SEMA6D: variants seen among roughly 807,000 people sequenced by gnomAD.
The protein encoded by SEMA6D is semaphorin-6D.
SEMA6D carries 35 observed loss-of-function variants against 106.6 expected under a neutral mutation model. The ratio of observed to expected loss-of-function variants is 0.33; its 90% CI spans 0.25 to 0.44. SEMA6D has a LOEUF of 0.44. Ranked by LOEUF, SEMA6D falls within the 20% of genes least tolerant of loss-of-function variation. The pLI is 1.00. For missense variants in SEMA6D, 1,185 were observed against 1,345.9 expected (o/e 0.88, Z 1.87); for synonymous variants, 499 against 487.7 (o/e 1.02, Z -0.31).
intron 3 of SEMA6D, among the ~76,000 whole-genome samples, chr15:47,505,481 T>C (rs867164377): frequency 1.3e-5 from 2 of 152,100 alleles, no homozygotes; most frequent in Middle Eastern, 3.2e-3. Flanking sequence ...TAAAGAACAT[T>C]TGGGGACAAT....
chr15:47,384,360 T>G (rs772707337), intron 1 of SEMA6D, among the ~76,000 whole-genome samples: 5 of 152,212 alleles, frequency 3.3e-5, no homozygotes, highest in Non-Finnish European at 5.9e-5. Context: ...CTTTCCCCAC[T>G]TCACCTTTCT....
intron 1 of SEMA6D, among the ~76,000 whole-genome samples, chr15:47,279,402 C>T: frequency 7.1e-6 from 1 of 141,818 alleles, no homozygotes; most frequent in Admixed American, 7.0e-5. Flanking sequence ...GCTGAAGTTG[C>T]TTATCAGCTT....
intron 3 of SEMA6D, among the ~76,000 whole-genome samples, chr15:47,498,259 T>G (rs2043735207): frequency 6.6e-6 from 1 of 152,156 alleles, no homozygotes; most frequent in Non-Finnish European, 1.5e-5. Context: ...GGTTTTCACT[T>G]AGCAATGGGG....
intron 1 of SEMA6D, among the ~76,000 whole-genome samples, chr15:47,370,320 GC>G (rs1232214524): frequency 1.3e-5 from 2 of 152,094 alleles, no homozygotes. Flanking sequence ...TTGAAAACCA[GC>G]CTGGGCAACA....
intron 1 of SEMA6D, among the ~76,000 whole-genome samples, chr15:47,334,257 T>G (rs2037463174): frequency 1.3e-5 from 2 of 152,184 alleles, no homozygotes; most frequent in East Asian, 3.8e-4. Context: ...ATCTGTATCC[T>G]TTGTAAAATC....
At chr15:47,305,964 T>A (rs1308536586) in intron 1 of SEMA6D, among the ~76,000 whole-genome samples, 5 of 152,226 alleles carry the variant, frequency 3.3e-5, no homozygotes, top group Non-Finnish European at 7.3e-5. Context: ...AAGAGGTTTA[T>A]TGGTAACTCA....
intron 3 of SEMA6D, among the ~76,000 whole-genome samples, chr15:47,552,522 GTA>G (rs1491217182): frequency 6.0e-5 from 3 of 49,842 alleles, no homozygotes; most frequent in African/African-American, 8.5e-5. Context: ...GTATATATAT[GTA>G]TACACACACA....
intron 1 of SEMA6D, among the ~76,000 whole-genome samples, chr15:47,284,863 A>G (rs2035289813): frequency 6.6e-6 from 1 of 152,178 alleles, no homozygotes; most frequent in Non-Finnish European, 1.5e-5. Context: ...ACTGCCAGTT[A>G]TTAGAGATGA....
chr15:47,534,114 C>T (rs2045072857), intron 3 of SEMA6D, among the ~76,000 whole-genome samples: 1 of 152,072 alleles, frequency 6.6e-6, no homozygotes, highest in Non-Finnish European at 1.5e-5. Flanking sequence ...AAGAAGGACA[C>T]TGAGAATGTC....
chr15:47,621,777 G>T (rs2077103962), intron 4 of SEMA6D, among the ~76,000 whole-genome samples: 1 of 152,130 alleles, frequency 6.6e-6, no homozygotes, highest in Non-Finnish European at 1.5e-5. Flanking sequence ...TTTCTCACCT[G>T]TCAAACAGAC....
chr15:47,530,427 T>C (rs950067625), intron 3 of SEMA6D, among the ~76,000 whole-genome samples: 45 of 152,290 alleles, frequency 3.0e-4, no homozygotes, highest in African/African-American at 1.0e-3. Context: ...AATTAGACAA[T>C]AGTTCCCTAA....
intron 1 of SEMA6D, among the ~76,000 whole-genome samples, chr15:47,735,369 A>G (rs970764951): frequency 2.0e-5 from 3 of 152,200 alleles, no homozygotes; most frequent in African/African-American, 7.2e-5. Flanking sequence ...ACCACTAAAC[A>G]CAGTGAGTCT....
chr15:47,440,449 G>T (rs2041847785), intron 2 of SEMA6D, among the ~76,000 whole-genome samples: 1 of 152,024 alleles, frequency 6.6e-6, no homozygotes, highest in South Asian at 2.1e-4. Context: ...TGGGCTGAGG[G>T]TTGCCTTAGT....
intron 3 of SEMA6D, among the ~76,000 whole-genome samples, chr15:47,484,700 G>A (rs943785897): frequency 2.6e-5 from 4 of 152,166 alleles, no homozygotes; most frequent in African/African-American, 9.7e-5. Context: ...AAGGCCTGAA[G>A]TAACCTCTGA....
intron 1 of SEMA6D, among the ~76,000 whole-genome samples, chr15:47,360,982 A>G (rs1268309096): frequency 6.6e-6 from 1 of 152,238 alleles, no homozygotes; most frequent in African/African-American, 2.4e-5. Flanking sequence ...CATGAACAGA[A>G]GCAGGCAGAA....
intron 4 of SEMA6D, among the ~76,000 whole-genome samples, chr15:47,683,426 A>G (rs1037583234): frequency 6.6e-5 from 10 of 152,222 alleles, no homozygotes; most frequent in African/African-American, 2.4e-4. Context: ...TTTTATGTCA[A>G]GATTTCCACC....
chr15:47,598,638 CT>C (rs1314048535), intron 3 of SEMA6D, among the ~76,000 whole-genome samples: 1 of 152,088 alleles, frequency 6.6e-6, no homozygotes, highest in Non-Finnish European at 1.5e-5. Context: ...AAAGCTTGGG[CT>C]ACATTTTTTA....
chr15:47,484,552 T>C (rs2043242391), intron 3 of SEMA6D, among the ~76,000 whole-genome samples: 1 of 152,192 alleles, frequency 6.6e-6, no homozygotes, highest in African/African-American at 2.4e-5. Context: ...GTTTATTTTA[T>C]TTCCAATATT....
chr15:47,605,883 G>A (rs1261597733), intron 4 of SEMA6D, among the ~76,000 whole-genome samples: 1 of 152,072 alleles, frequency 6.6e-6, no homozygotes, highest in East Asian at 1.9e-4. Flanking sequence ...TTTTTTGGAG[G>A]TTTTATTAAG....
Sources: gnomAD v4.1 joint callset for allele counts (sites outside exome capture counted in the v4.1 genomes callset) on GRCh38, gnomAD v4.1.1 for gene constraint, MANE v1.5 for transcripts, NCBI Gene and HGNC (gene_info 2026-07-23, HGNC 2026-07-21) for gene names.